SLC36A1: variants seen among roughly 807,000 people sequenced by gnomAD.
The protein encoded by SLC36A1 is solute carrier family 36 member 1.
A neutral mutation model predicts 47.5 loss-of-function variants in SLC36A1; 30 were observed. That is an observed-to-expected ratio of 0.63 (90% CI 0.47 to 0.86). The LOEUF (loss-of-function observed/expected upper bound fraction) is 0.86, where lower values mean the gene tolerates loss of function less well. SLC36A1 is among the 40% of genes least tolerant of loss of function. The pLI is 0.00. For synonymous variants in SLC36A1, 255 were observed against 249.7 expected (o/e 1.02, Z -0.20); for missense variants, 517 against 606.0 (o/e 0.85, Z 1.54).
the SLC36A1 span, chr5:151,521,685 G>A: frequency 1.2e-6 from 2 of 1,613,980 alleles, no homozygotes; most frequent in Admixed American, 1.7e-5. Flanking sequence ...GGGTGAGCTG[G>A]TAGAAGCCCA....
the SLC36A1 span, chr5:151,387,179 G>C: frequency 6.6e-6 from 1 of 152,470 alleles, no homozygotes; most frequent in Non-Finnish European, 1.5e-5. Context: ...GAACTGCAGG[G>C]GGTAGGTAAG....
the SLC36A1 span, chr5:151,512,449 G>T: frequency 1.2e-6 from 2 of 1,614,232 alleles, no homozygotes; most frequent in Non-Finnish European, 1.7e-6. This position sits in a 1 kb window ranked among gnomAD's most constrained non-coding sequence, Gnocchi z 4.1. Context: ...CACAAGGGAG[G>T]TGTTGCCCAT....
At chr5:151,396,001 G>A in the SLC36A1 span, among the ~76,000 whole-genome samples, 8 of 151,950 alleles carry the variant, frequency 5.3e-5, no homozygotes, top group South Asian at 1.7e-3. Context: ...CTAGAGATGG[G>A]ATCTCACCAT....
the SLC36A1 span, among the ~76,000 whole-genome samples, chr5:151,555,094 G>A: frequency 2.6e-5 from 4 of 152,200 alleles, no homozygotes; most frequent in Non-Finnish European, 2.9e-5. Flanking sequence ...ACATGTGCAC[G>A]TGGCCTGATG....
intron 1 of SLC36A1, among the ~76,000 whole-genome samples, chr5:151,454,327 G>T (rs1215540868): frequency 6.6e-6 from 1 of 152,042 alleles, no homozygotes; most frequent in Non-Finnish European, 1.5e-5. Context: ...AATAGACTTG[G>T]CTATCAGATT....
chr5:151,513,628 ACTAC>A, the SLC36A1 span, among the ~76,000 whole-genome samples: 1 of 152,284 alleles, frequency 6.6e-6, no homozygotes, highest in Middle Eastern at 3.4e-3. Context: ...AGGACAAAAA[ACTAC>A]CTATCAGGAA....
the SLC36A1 span, among the ~76,000 whole-genome samples, chr5:151,386,837 C>A: frequency 6.6e-6 from 1 of 152,192 alleles, no homozygotes. Flanking sequence ...GAGGCATGTT[C>A]AAATCCATTT....
chr5:151,465,038 G>C (rs531379797), intron 4 of SLC36A1, 36 bp from the exon 5 acceptor site: 4 of 1,510,090 alleles, frequency 2.6e-6, no homozygotes, highest in Non-Finnish European at 3.7e-6. Context: ...TCTAATCCAC[G>C]TGCTCTGTCC....
chr5:151,433,249 TATATATATATATATATA>T (rs1474265236), upstream of SLC36A1, among the ~76,000 whole-genome samples: 12 of 15,892 alleles, frequency 7.6e-4, no homozygotes, highest in African/African-American at 1.3e-3. Flanking sequence ...TATATATATA[TATATATATATATATATA>T]TTTTTTTTTT....
chr5:151,524,494 C>T, the SLC36A1 span, among the ~76,000 whole-genome samples: 1 of 152,192 alleles, frequency 6.6e-6, no homozygotes, highest in East Asian at 1.9e-4. Flanking sequence ...CTCACCAGAA[C>T]CTGGCCATGC....
At chr5:151,380,441 G>A in the SLC36A1 span, 2 of 424,870 alleles carry the variant, frequency 4.7e-6, no homozygotes, top group South Asian at 3.7e-5. Flanking sequence ...AATGGATACT[G>A]TAGCTCAAGA....
rs1581201261 is a variant in SLC36A1 at position 151,479,602 on chromosome 5, C to CA, written c.1159+114dup. On this transcript the variant is annotated intron_variant, in intron 10 of 10. Coordinates refer to ENST00000243389, the MANE Select transcript of SLC36A1 (RefSeq NM_078483.4). ...GTAGTGAAGCTGGCTATGTTTGTGA[C>CA]AGAGAACCTGGCCCATGGCCTCACT... 10 of 1,269,724 alleles carry CA rather than the reference C, an allele frequency of 7.9e-6. No homozygotes were observed. In the East Asian group the frequency reaches 2.4e-4, roughly 30 times the overall value. 78.7% of individuals were successfully genotyped at this position (1,269,724 alleles called of 1,614,324 possible). A position where few individuals can be genotyped will look rare whatever the true frequency, so the allele number is the denominator to read the frequency against.
At chr5:151,368,295 C>A in the SLC36A1 span, among the ~76,000 whole-genome samples, 1 of 152,180 alleles carries the variant, frequency 6.6e-6, no homozygotes, top group African/African-American at 2.4e-5. Flanking sequence ...CTTACTGTGG[C>A]GCTTATAAGC....
the SLC36A1 span, among the ~76,000 whole-genome samples, chr5:151,410,682 C>A: frequency 1.4e-5 from 2 of 144,640 alleles, no homozygotes; most frequent in Non-Finnish European, 3.0e-5. Context: ...TTTATTCCCT[C>A]ATTTTACTGA....
chr5:151,464,435 T>A (rs415426), intron 3 of SLC36A1, 79 bp from the exon 4 acceptor site: 1 of 1,263,598 alleles, frequency 7.9e-7, no homozygotes, highest in Non-Finnish European at 1.1e-6. Context: ...TAATCCTTTG[T>A]GAACTGAGTA....
At chr5:151,391,155 ATT>A in the SLC36A1 span, among the ~76,000 whole-genome samples, 12 of 152,102 alleles carry the variant, frequency 7.9e-5, no homozygotes, top group East Asian at 1.7e-3. Context: ...TAGGTATTTT[ATT>A]CTCTTTGAAG....
the SLC36A1 span, among the ~76,000 whole-genome samples, chr5:151,371,000 A>G: frequency 1.3e-5 from 2 of 152,160 alleles, no homozygotes; most frequent in African/African-American, 4.8e-5. Flanking sequence ...AATAATAATA[A>G]TAATAAAATA....
rs372174444 is a variant in SLC36A1 at position 151,467,932 on chromosome 5, G to T, written c.723+7G>T. 3.1e-6 allele frequency: 5 copies of T among 1,610,868 alleles called. No homozygotes were observed. In the South Asian group the frequency reaches 5.5e-5, roughly 18 times the overall value. Reference sequence around the variant, plus strand: ...CTACCAGTTCATTGTTCAGGTACATGCCTAGGCCCTCTCCTATCATCTTGG... The same window carrying T: ...CTACCAGTTCATTGTTCAGGTACATTCCTAGGCCCTCTCCTATCATCTTGG... On this transcript the variant is annotated splice_region_variant and intron_variant, in intron 7 of 10. Transcript: ENST00000243389.
the SLC36A1 span, among the ~76,000 whole-genome samples, chr5:151,354,315 GAAAC>G: frequency 5.6e-4 from 85 of 152,260 alleles, no homozygotes; most frequent in African/African-American, 1.9e-3. Flanking sequence ...AATAAACAAA[GAAAC>G]AAACAAATTA....
Sources: allele counts gnomAD v4.1 joint callset (sites outside exome capture counted in the v4.1 genomes callset), GRCh38; gene constraint gnomAD v4.1.1; non-coding constraint Gnocchi (gnomAD v3.1); transcripts MANE v1.5; gene names NCBI Gene and HGNC (gene_info 2026-07-23, HGNC 2026-07-21).